The following PCDH15 variants were observed in gnomAD, a reference collection of about 807,000 sequenced individuals.
PCDH15 encodes the protein protocadherin-15.
PCDH15 carries 129 observed loss-of-function variants against 178.5 expected under a neutral mutation model. That is an observed-to-expected ratio of 0.72 (90% CI 0.63 to 0.84). The LOEUF is 0.84. Among genes scored for constraint, PCDH15 ranks in the 40% least tolerant of loss-of-function variants. The pLI, the probability that PCDH15 is intolerant of heterozygous loss-of-function variation, is 0.00. For missense variants in PCDH15, 2,230 were observed against 2,099.9 expected (o/e 1.06, Z -1.21); for synonymous variants, 800 against 732.0 (o/e 1.09, Z -1.50).
At chr10:53,809,603 C>A in intron 37 of PCDH15, 5 of 1,510,512 alleles carry the variant, frequency 3.3e-6, no homozygotes, top group Non-Finnish European at 4.5e-6. Flanking sequence ...ATGGTATGAC[C>A]TTGTCCCACG....
chr10:54,346,792 T>C (rs1019445095), intron 5 of PCDH15, among the ~76,000 whole-genome samples: 2 of 152,222 alleles, frequency 1.3e-5, no homozygotes, highest in Non-Finnish European at 2.9e-5. Context: ...ACTGCATCTG[T>C]TGTTTCTCCT....
rs1011577672 is a variant in PCDH15, at chr10:55,030,659, T to C, written c.-79-133159A>G. ...CCATCAAATTAGAAACTTAGTAAGT[T>C]CTGTTTTGTTTATTTAAACTAATAA... On this transcript the variant is annotated intron_variant, in intron 2 of 5. Coordinates refer to the PCDH15 transcript ENST00000458638. 2.0e-5 allele frequency among the ~76,000 whole-genome samples: 3 copies of C among 152,204 alleles called. No homozygotes were observed. In the South Asian group the frequency reaches 6.2e-4, roughly 31 times the overall value.
chr10:54,509,321 T>G (rs933473150), intron 3 of PCDH15, among the ~76,000 whole-genome samples: 4 of 152,194 alleles, frequency 2.6e-5, no homozygotes, highest in Admixed American at 1.3e-4. Context: ...TCTCTTGAGA[T>G]CTGATGGTTT....
At chr10:54,633,979 T>C (rs185963730) in intron 2 of PCDH15, among the ~76,000 whole-genome samples, 1 of 152,258 alleles carries the variant, frequency 6.6e-6, no homozygotes, top group Non-Finnish European at 1.5e-5. Flanking sequence ...AAGATGCCCA[T>C]GCACCAGCCA....
At chr10:55,002,565 G>GAT (rs1274740836) in intron 2 of PCDH15, among the ~76,000 whole-genome samples, 1 of 13,952 alleles carries the variant, frequency 7.2e-5, no homozygotes, top group Non-Finnish European at 1.8e-4. Context: ...TAGAGAGAAT[G>GAT]ATAGGACTTT....
chr10:54,960,058 T>G (rs544821622), intron 2 of PCDH15, among the ~76,000 whole-genome samples: 2 of 152,296 alleles, frequency 1.3e-5, no homozygotes, highest in African/African-American at 4.8e-5. Flanking sequence ...TCCAGTCTTA[T>G]GACCTTTATT....
At chr10:55,255,061 C>T (rs1056964717) in intron 1 of PCDH15, among the ~76,000 whole-genome samples, 1 of 152,084 alleles carries the variant, frequency 6.6e-6, no homozygotes, top group Non-Finnish European at 1.5e-5. Context: ...ATTAACTAGT[C>T]ATTTAACATT....
At chr10:54,406,153 G>A (rs1227889057) in intron 3 of PCDH15, among the ~76,000 whole-genome samples, 1 of 151,994 alleles carries the variant, frequency 6.6e-6, no homozygotes, top group Non-Finnish European at 1.5e-5. Flanking sequence ...TACACATTAT[G>A]TCTTTTTGTT....
At chr10:54,011,923 A>T (rs2092599250) in intron 20 of PCDH15, among the ~76,000 whole-genome samples, 1 of 152,218 alleles carries the variant, frequency 6.6e-6, no homozygotes, top group Admixed American at 6.5e-5. Flanking sequence ...CCTAGCCAGG[A>T]TTCTTAACTC....
At chr10:54,685,788 A>C (rs571708152) in intron 1 of PCDH15, among the ~76,000 whole-genome samples, 1 of 152,296 alleles carries the variant, frequency 6.6e-6, no homozygotes, top group African/African-American at 2.4e-5. Flanking sequence ...AAATCATCTA[A>C]TACAAAGTTA....
At chr10:54,457,974 C>A (rs2076934478) in intron 3 of PCDH15, among the ~76,000 whole-genome samples, 1 of 152,134 alleles carries the variant, frequency 6.6e-6, no homozygotes, top group Non-Finnish European at 1.5e-5. Flanking sequence ...CACTGAATAA[C>A]AATAAAACTC....
chr10:54,668,601 G>T (rs1182610688), intron 1 of PCDH15, among the ~76,000 whole-genome samples: 1 of 152,180 alleles, frequency 6.6e-6, no homozygotes, highest in African/African-American at 2.4e-5. Flanking sequence ...ACAAAGGTCT[G>T]TCCTTTTTCT....
intron 3 of PCDH15, among the ~76,000 whole-genome samples, chr10:54,890,935 A>G (rs1954449725): frequency 6.6e-6 from 1 of 152,128 alleles, no homozygotes. Flanking sequence ...GCTTAATTGT[A>G]CATATACATA....
intron 1 of PCDH15, among the ~76,000 whole-genome samples, chr10:55,185,289 T>C (rs1839762986): frequency 6.6e-6 from 1 of 151,858 alleles, no homozygotes; most frequent in Admixed American, 6.6e-5. Flanking sequence ...TCATTATCTA[T>C]AAGATGTTAG....
intron 2 of PCDH15, among the ~76,000 whole-genome samples, chr10:55,042,172 G>A (rs1271470688): frequency 6.6e-6 from 1 of 152,094 alleles, no homozygotes; most frequent in Non-Finnish European, 1.5e-5. Context: ...GAAATTCAGA[G>A]TGAAGGAAAC....
intron 3 of PCDH15, among the ~76,000 whole-genome samples, chr10:54,514,840 G>A (rs1322567208): frequency 2.6e-5 from 4 of 152,104 alleles, no homozygotes. Flanking sequence ...TTCTAATAGA[G>A]GTATCAATGG....
intron 1 of PCDH15, among the ~76,000 whole-genome samples, chr10:55,273,229 T>A (rs948160818): frequency 6.6e-6 from 1 of 152,092 alleles, no homozygotes; most frequent in African/African-American, 2.4e-5. Context: ...AATGACTTAA[T>A]TTTTTTACAC....
intron 7 of PCDH15, among the ~76,000 whole-genome samples, chr10:54,323,798 A>G (rs857385): frequency 0.72 from 109,474 of 151,932 alleles, 40,292 homozygotes; most frequent in Middle Eastern, 0.83. Context: ...CAACAAACCT[A>G]CATATGTACT....
At chr10:54,691,919 A>T (rs2095128769) in intron 1 of PCDH15, among the ~76,000 whole-genome samples, 1 of 152,196 alleles carries the variant, frequency 6.6e-6, no homozygotes, top group Non-Finnish European at 1.5e-5. Context: ...ATGTTCCGCC[A>T]CATATAAAGT....
Sources: gnomAD v4.1 joint callset for allele counts (sites outside exome capture counted in the v4.1 genomes callset) on GRCh38, gnomAD v4.1.1 for gene constraint, MANE v1.5 for transcripts, NCBI Gene and HGNC (gene_info 2026-07-23, HGNC 2026-07-21) for gene names.